VSTM2A: variants seen among roughly 807,000 people sequenced by gnomAD.
VSTM2A encodes the protein V-set and transmembrane domain-containing protein 2A.
A neutral mutation model predicts 27.3 loss-of-function variants in VSTM2A; 13 were observed. The observed-to-expected ratio is 0.48, with a 90% CI of 0.31 to 0.76. VSTM2A has a LOEUF of 0.76. VSTM2A is among the 30% of genes least tolerant of loss of function. VSTM2A has a pLI of 0.05. For synonymous variants in VSTM2A, 142 were observed against 125.7 expected (o/e 1.13, Z -0.87); for missense variants, 280 against 310.0 (o/e 0.90, Z 0.73).
intron 4 of VSTM2A, among the ~76,000 whole-genome samples, chr7:54,567,859 G>T (rs978576524): frequency 2.0e-5 from 3 of 151,238 alleles, no homozygotes; most frequent in South Asian, 2.1e-4. Context: ...TGATGTTATT[G>T]GTTCTCCATA....
rs147467575 is a variant in VSTM2A, at chr7:54,569,884, C to A, written c.*665C>A. On this transcript the variant is annotated 3_prime_UTR_variant, in exon 5 of 5. Transcript: ENST00000402613. ...CTATAACTTCAAAGTAGATGTACTGCGACCCTCATGCAAGCTGATTTTTAT... is the reference window on the plus strand; with the variant it reads ...CTATAACTTCAAAGTAGATGTACTGAGACCCTCATGCAAGCTGATTTTTAT... 3 of 151,940 alleles carry A rather than the reference C, an allele frequency of 2.0e-5. No individual in the cohort carries two copies. The highest frequency in any genetic ancestry group is 7.3e-5 in the African/African-American group (3 of 41,370). The allele number at this position is 151,940 out of a possible 1,614,324, so 9.4% of individuals were successfully genotyped here. A position where few individuals can be genotyped will look rare whatever the true frequency, so the allele number is the denominator to read the frequency against.
In VSTM2A at chr7:54,569,686, T is replaced by C. The variant is rs1362506791; in HGVS notation, c.*467T>C. 1 of 158,228 alleles carries C rather than the reference T, an allele frequency of 6.3e-6. No individual in the cohort carries two copies. The highest frequency in any genetic ancestry group is 6.2e-5 in the Admixed American group (1 of 16,250). The allele number at this position is 158,228 out of a possible 1,614,324, so 9.8% of individuals were successfully genotyped here. ...CTTGGATTTTTCTTCTTTTTCTTGATTACAGTTCTTGTTCAATGGTGGCAA... is the reference window on the plus strand; with the variant it reads ...CTTGGATTTTTCTTCTTTTTCTTGACTACAGTTCTTGTTCAATGGTGGCAA... On this transcript the variant is annotated 3_prime_UTR_variant, in exon 5 of 5. Transcript: ENST00000402613.
chr7:54,547,306 C>G, intron 3 of VSTM2A: 1 of 333,092 alleles, frequency 3.0e-6, no homozygotes. Flanking sequence ...AATATCTATT[C>G]AAAATTATGG....
intron 4 of VSTM2A, among the ~76,000 whole-genome samples, chr7:54,562,113 A>G (rs1788581234): frequency 6.6e-6 from 1 of 152,064 alleles, no homozygotes; most frequent in Non-Finnish European, 1.5e-5. Flanking sequence ...TAGTAGAAAC[A>G]GGGTTTCACC....
chr7:54,553,756 G>T, intron 4 of VSTM2A: 1 of 1,424,746 alleles, frequency 7.0e-7, no homozygotes, highest in East Asian at 2.5e-5. Context: ...AGGATGGAGT[G>T]GTTTAGGTCC....
chr7:54,553,909 C>T (rs916859724), intron 4 of VSTM2A: 77 of 1,551,216 alleles, frequency 5.0e-5, no homozygotes, highest in Middle Eastern at 1.7e-4. Context: ...CACAGACCAC[C>T]TCTACTAGTC....
chr7:54,569,597 A>G lies in VSTM2A; in HGVS notation c.*378A>G, dbSNP rs1370844463. Reference sequence around the variant, plus strand: ...ACAAAACTATCAACACTGCAAGTCAACAAGGAGGACATTACTTTAAGGAAT... The same window carrying G: ...ACAAAACTATCAACACTGCAAGTCAGCAAGGAGGACATTACTTTAAGGAAT... On this transcript the variant is annotated 3_prime_UTR_variant, in exon 5 of 5. Transcript: ENST00000402613. 1 of 177,004 alleles carries G rather than the reference A, an allele frequency of 5.6e-6. No individual in the cohort carries two copies. Among genetic ancestry groups the G allele is most frequent in the African/African-American group, 2.4e-5 (1 of 42,342 alleles). The allele number at this position is 177,004 out of a possible 1,614,324, so 11.0% of individuals were successfully genotyped here.
chr7:54,549,595 A>G (rs1234298737), intron 3 of VSTM2A, among the ~76,000 whole-genome samples: 2 of 152,212 alleles, frequency 1.3e-5, no homozygotes, highest in African/African-American at 4.8e-5. Flanking sequence ...CGTGGCTGAC[A>G]GAATCTGGCA....
intron 3 of VSTM2A, 84 bp downstream of exon 3, chr7:54,547,081 C>A: frequency 6.9e-7 from 1 of 1,456,142 alleles, no homozygotes. Context: ...GGCTTGCCAG[C>A]GCTGCAGGAC....
In VSTM2A at chr7:54,544,798, C is replaced by T; in HGVS notation, c.246+10C>T. On this transcript the variant is annotated intron_variant, in intron 2 of 4. Transcript: ENST00000402613. ...GGGGGCCGGCGCGCAGGTAGCGGAG[C>T]CCGCCGACCCCGCGTCTCCCCTTCG... 2 of 1,585,792 alleles carry T rather than the reference C, an allele frequency of 1.3e-6. No individual in the cohort carries two copies. The highest frequency in any genetic ancestry group is 1.7e-6 in the Non-Finnish European group (2 of 1,166,358).
In VSTM2A at chr7:54,544,705, G is replaced by A; in HGVS notation, c.163G>A (p.Ala55Thr). The change falls in exon 2 of 5, where the codon GCC becomes ACC. Residue 55 changes from alanine (A) to threonine (T), a missense_variant. Transcript: ENST00000402613. ...GTCCTGCGCCTTCCAGAGCGGCTCC[G>A]CCTCGGTGTATCTGGAGATCCAATG... is the stretch of plus-strand genomic sequence containing the variant. ...EMSCAFQSGSASVYLEIQWWF... is the reference protein window; with the variant it reads ...EMSCAFQSGSTSVYLEIQWWF... 1.2e-6 allele frequency: 2 copies of A among 1,612,780 alleles called. No homozygotes were observed. The highest frequency in any genetic ancestry group is 1.3e-5 in the African/African-American group (1 of 75,058).
At chr7:54,545,297 G>A (rs967830299) in intron 2 of VSTM2A, among the ~76,000 whole-genome samples, 7 of 151,456 alleles carry the variant, frequency 4.6e-5, no homozygotes, top group Non-Finnish European at 8.8e-5. Context: ...CGGGGAGAGA[G>A]GGAGAGAGAA....
At chr7:54,546,732 G>GGCGTGGGGTATGCCAGGGACA (rs1233186822) in intron 2 of VSTM2A, 42 of 526,286 alleles carry the variant, frequency 8.0e-5, no homozygotes, top group South Asian at 7.5e-4. Flanking sequence ...GCGCGGGGAC[G>GGCGTGGGGTATGCCAGGGACA]GCGTGGGGTA....
intron 4 of VSTM2A, among the ~76,000 whole-genome samples, chr7:54,555,543 A>G (rs1241426422): frequency 6.6e-6 from 1 of 152,204 alleles, no homozygotes; most frequent in African/African-American, 2.4e-5. Flanking sequence ...TCTCTTAGTC[A>G]GAATTGGTTA....
chr7:54,544,171 A>ATTCAT (rs1347075392), intron 1 of VSTM2A, among the ~76,000 whole-genome samples: 1 of 152,260 alleles, frequency 6.6e-6, no homozygotes, highest in Non-Finnish European at 1.5e-5. Context: ...GCATTTTGAC[A>ATTCAT]GATAATCATG....
intron 4 of VSTM2A, among the ~76,000 whole-genome samples, chr7:54,563,218 G>A (rs979186318): frequency 1.1e-4 from 17 of 152,228 alleles, no homozygotes; most frequent in Non-Finnish European, 2.4e-4. Flanking sequence ...AAATTATGAT[G>A]CAAATATTTG....
chr7:54,566,182 G>A (rs578034962), intron 4 of VSTM2A, among the ~76,000 whole-genome samples: 2 of 152,336 alleles, frequency 1.3e-5, no homozygotes, highest in African/African-American at 2.4e-5. Flanking sequence ...CTGTGTCCAA[G>A]AGAAACCTCT....
At chr7:54,561,673 ATAAT>A (rs1788566306) in intron 4 of VSTM2A, among the ~76,000 whole-genome samples, 1 of 152,216 alleles carries the variant, frequency 6.6e-6, no homozygotes, top group African/African-American at 2.4e-5. Flanking sequence ...ACTAATGAAG[ATAAT>A]TAATAAAGCA....
rs1301972831 is a variant in VSTM2A, at chr7:54,542,602, G to A, written c.-129G>A. The A allele has an allele frequency of 1.2e-5, 9 of 776,770 alleles. No individual in the cohort carries two copies. The African/African-American group carries it at 1.2e-4, about 11-fold the overall frequency. 48.1% of individuals were successfully genotyped at this position (776,770 alleles called of 1,614,324 possible). A position where few individuals can be genotyped will look rare whatever the true frequency, so the allele number is the denominator to read the frequency against. The stretch of plus-strand genomic sequence containing the variant: ...TCTCCCCACAGCCAGCCCTCGCCAA[G>A]CAAGCAGCAGGATGTTTGCAGTGTC... On this transcript the variant is annotated 5_prime_UTR_variant, in exon 1 of 5. Transcript: ENST00000402613.
Sources: allele counts gnomAD v4.1 joint callset (sites outside exome capture counted in the v4.1 genomes callset), GRCh38; gene constraint gnomAD v4.1.1; transcripts MANE v1.5; gene names NCBI Gene and HGNC (gene_info 2026-07-23, HGNC 2026-07-21).